Variants in LEMD3 observed in about 807,000 individuals in gnomAD.
LEMD3 encodes inner nuclear membrane protein Man1.
In LEMD3, 33 loss-of-function variants were observed where a neutral mutation model predicts 95.2. The observed-to-expected ratio is 0.35, with a 90% CI of 0.26 to 0.46. The LOEUF is 0.46. Among genes scored for constraint, LEMD3 ranks in the 20% least tolerant of loss-of-function variants. LEMD3 has a pLI of 1.00. For synonymous variants in LEMD3, 525 were observed against 474.6 expected, an observed-to-expected ratio of 1.11 and a Z score of -1.38; for missense variants, 1,210 against 1,192.8, an observed-to-expected ratio of 1.01 and a Z score of -0.21.
Position 65,246,184 on chromosome 12 carries a change from T to C in LEMD3, c.2595T>C (p.Tyr865=), listed in dbSNP as rs1402616233. 6.2e-7 allele frequency: 1 copy of C among 1,611,466 alleles called. No homozygotes were observed. Among genetic ancestry groups the C allele is most frequent in the Non-Finnish European group, 8.5e-7 (1 of 1,178,230 alleles). The part of the protein sequence containing the change: ...WFDGKLVTVK[Y]LRLDRYHHRF... ...CAGGGAAATTGGTTACAGTAAAATA[T>C]TTACGACTAGATAGATACCACCATC... Residue 865 remains tyrosine, a synonymous_variant, in exon 13 of 13, where the codon TAT becomes TAC. Transcript: ENST00000308330.
At chr12:65,243,320 T>C in intron 9 of LEMD3, 68 bp from the exon 10 acceptor site, 1 of 955,998 alleles carries the variant, frequency 1.0e-6, no homozygotes, top group Non-Finnish European at 1.7e-6. Flanking sequence ...TTGAATGAAC[T>C]GAATGATTGA....
chr12:65,200,621 A>G (rs1025913827), intron 1 of LEMD3, among the ~76,000 whole-genome samples: 9 of 152,054 alleles, frequency 5.9e-5, no homozygotes, highest in African/African-American at 2.2e-4. Context: ...TTTTCTGTAT[A>G]CTTTCTTTGG....
rs994737328 is a variant in LEMD3, at chr12:65,195,398, T to TA, written c.1523-15517dup. 3.0e-3 allele frequency among the ~76,000 whole-genome samples: 447 copies of TA among 148,070 alleles called. 4 individuals carry two copies. Among genetic ancestry groups the TA allele is most frequent in the African/African-American group, 9.6e-3 (389 of 40,572 alleles). On this transcript the variant is annotated intron_variant, in intron 1 of 12. Transcript: ENST00000308330. ...CTAAATACAAAACTCACTTGTTTATTAAAAAAAAAAATAGCTAGATTCAAG... is the reference window on the plus strand; with the variant it reads ...CTAAATACAAAACTCACTTGTTTATTAAAAAAAAAAAATAGCTAGATTCAAG...
intron 4 of LEMD3, among the ~76,000 whole-genome samples, chr12:65,221,060 A>G (rs938467596): frequency 1.3e-5 from 2 of 152,074 alleles, no homozygotes; most frequent in Admixed American, 6.5e-5. Context: ...AAAAAATGCT[A>G]TTGGGATTTT....
chr12:65,223,205 G>A (rs1870344590), intron 4 of LEMD3, among the ~76,000 whole-genome samples: 1 of 151,712 alleles, frequency 6.6e-6, no homozygotes, highest in Non-Finnish European at 1.5e-5. Context: ...CTTCTAATGT[G>A]GGATACATAC....
At chr12:65,230,626 T>A (rs1332187080) in intron 4 of LEMD3, among the ~76,000 whole-genome samples, 1 of 152,192 alleles carries the variant, frequency 6.6e-6, no homozygotes, top group African/African-American at 2.4e-5. Context: ...CAAGTTTATT[T>A]AATTTATTTA....
At chr12:65,217,582 C>T (rs1870148194) in intron 3 of LEMD3, among the ~76,000 whole-genome samples, 1 of 152,124 alleles carries the variant, frequency 6.6e-6, no homozygotes, top group African/African-American at 2.4e-5. Context: ...TTTTTAACTA[C>T]TTGAAAGACA....
intron 1 of LEMD3, among the ~76,000 whole-genome samples, chr12:65,172,818 T>C (rs755131225): frequency 9.2e-5 from 14 of 151,680 alleles, no homozygotes; most frequent in Non-Finnish European, 1.3e-4. Flanking sequence ...CTCCGCCTCC[T>C]GGGTTCAAGT....
At chr12:65,205,062 C>A (rs757764258) in intron 1 of LEMD3, among the ~76,000 whole-genome samples, 4 of 152,092 alleles carry the variant, frequency 2.6e-5, no homozygotes, top group Non-Finnish European at 4.4e-5. Context: ...GAAGGAGAAG[C>A]AGAAGCAAGT....
intron 9 of LEMD3, 137 bp downstream of exon 9, chr12:65,241,224 GT>G (rs1870929871): frequency 1.4e-6 from 1 of 722,702 alleles, no homozygotes; most frequent in Non-Finnish European, 2.4e-6. Flanking sequence ...AGGAATCAGT[GT>G]TAGCTTCTTA....
In LEMD3 at chr12:65,238,685, C is replaced by T. The variant is rs779926136; in HGVS notation, c.1792C>T (p.Pro598Ser). 1 of 1,613,912 alleles carries T rather than the reference C, an allele frequency of 6.2e-7. No individual in the cohort carries two copies. Among genetic ancestry groups the T allele is most frequent in the South Asian group, 1.1e-5 (1 of 91,066 alleles). Reference protein sequence around the residue: ...DVGIRCVGFGPEEELTNITDV... With the variant: ...DVGIRCVGFGSEEELTNITDV... ...TTTAAATAGGTGTGTTGGTTTTGGC[C>T]CTGAGGAAGAATTGACAAATATAAC... Residue 598 changes from proline to serine, a missense_variant, in exon 6 of 13, where the codon CCT (proline) becomes TCT (serine). Pro to Ser is a moderately conservative substitution (Grantham distance 74). This residue lies in a region of LEMD3 where 461 missense variants were observed against 569.8 expected (regional missense o/e 0.81). Transcript: ENST00000308330.
Position 65,245,890 on chromosome 12 carries a change from A to C in LEMD3, c.2523A>C (p.Pro841=). The change falls in exon 12 of 13, where the codon CCA becomes CCC. Residue 841 remains proline, a synonymous_variant. Coordinates refer to ENST00000308330, the MANE Select transcript of LEMD3 (RefSeq NM_014319.5). ...EGCVYVKCLS[P]EYAGKAFKAL... Reference sequence around the variant, plus strand: ...GTGTATATGTTAAATGTCTGTCTCCAGAATATGCTGGAAAGGCTTTTAAAG... The same window carrying C: ...GTGTATATGTTAAATGTCTGTCTCCCGAATATGCTGGAAAGGCTTTTAAAG... 6.2e-7 allele frequency: 1 copy of C among 1,613,266 alleles called. No homozygotes were observed. Among genetic ancestry groups the C allele is most frequent in the Non-Finnish European group, 8.5e-7 (1 of 1,179,494 alleles).
intron 2 of LEMD3, among the ~76,000 whole-genome samples, chr12:65,212,626 T>C (rs911510445): frequency 6.6e-6 from 1 of 151,856 alleles, no homozygotes. Context: ...ATGAGAAAAT[T>C]GGATAGAGTC....
chr12:65,206,009 A>G (rs569761177), intron 1 of LEMD3, among the ~76,000 whole-genome samples: 13 of 152,292 alleles, frequency 8.5e-5, no homozygotes, highest in Admixed American at 5.9e-4. Flanking sequence ...GCATAATGCT[A>G]TGTTGCAAAA....
At chr12:65,231,231 C>G (rs940228380) in intron 4 of LEMD3, among the ~76,000 whole-genome samples, 1 of 151,846 alleles carries the variant, frequency 6.6e-6, no homozygotes, top group Non-Finnish European at 1.5e-5. Flanking sequence ...GCTATAAAAC[C>G]TGCCGTGGTT....
intron 1 of LEMD3, among the ~76,000 whole-genome samples, chr12:65,183,014 A>T (rs1050644283): frequency 3.3e-5 from 5 of 152,158 alleles, no homozygotes; most frequent in Non-Finnish European, 5.9e-5. Flanking sequence ...GTACATTAGG[A>T]TCTTCAGTCT....
chr12:65,196,539 C>G (rs192632901), intron 1 of LEMD3, among the ~76,000 whole-genome samples: 31 of 152,126 alleles, frequency 2.0e-4, no homozygotes, highest in African/African-American at 7.2e-4. Flanking sequence ...GGTTGGAGTT[C>G]TAGAGTCCTT....
intron 4 of LEMD3, among the ~76,000 whole-genome samples, chr12:65,219,131 A>G (rs1293731960): frequency 1.3e-5 from 2 of 152,094 alleles, no homozygotes; most frequent in African/African-American, 4.8e-5. Context: ...GAGAGAATGC[A>G]TATTAATTTG....
chr12:65,184,835 C>T (rs940036825), intron 1 of LEMD3, among the ~76,000 whole-genome samples: 2 of 152,100 alleles, frequency 1.3e-5, no homozygotes, highest in Admixed American at 6.6e-5. Context: ...ATGGAGTTAA[C>T]GTTGTTGGGT....
Sources: allele counts gnomAD v4.1 joint callset (sites outside exome capture counted in the v4.1 genomes callset), GRCh38; gene constraint gnomAD v4.1.1; regional missense constraint gnomAD v4.1.1; transcripts MANE v1.5; gene names NCBI Gene and HGNC (gene_info 2026-07-23, HGNC 2026-07-21).